JMJD1C: variants seen among roughly 807,000 people sequenced by gnomAD.
JMJD1C encodes jumonji domain containing 1C.
A neutral mutation model predicts 245.3 loss-of-function variants in JMJD1C; 31 were observed. The ratio of observed to expected loss-of-function variants is 0.13; its 90% confidence interval spans 0.09 to 0.17. JMJD1C has a LOEUF of 0.17. Ranked by LOEUF, JMJD1C falls within the 10% of genes least tolerant of loss-of-function variation. The probability of loss-of-function intolerance (pLI) is 1.00; values close to 1 mark genes in which losing one functional copy is unlikely to be tolerated. For missense variants in JMJD1C, 2,691 were observed against 3,000.2 expected (o/e 0.90, Z 2.41); for synonymous variants, 1,057 against 1,017.4 (o/e 1.04, Z -0.74).
chr10:63,473,388 G>T (rs895254881), intron 1 of JMJD1C, among the ~76,000 whole-genome samples: 4 of 151,982 alleles, frequency 2.6e-5, no homozygotes, highest in African/African-American at 9.7e-5. Context: ...TGGGATTACA[G>T]GCACACAGCA....
intron 1 of JMJD1C, among the ~76,000 whole-genome samples, chr10:63,411,756 C>T (rs930465745): frequency 6.6e-6 from 1 of 151,956 alleles, no homozygotes; most frequent in Admixed American, 6.6e-5. Flanking sequence ...GTGCGTGCCA[C>T]CATGCCCAGC....
intron 1 of JMJD1C, among the ~76,000 whole-genome samples, chr10:63,520,017 T>C (rs1424075713): frequency 1.3e-5 from 2 of 152,172 alleles, no homozygotes; most frequent in Admixed American, 6.5e-5. Context: ...ATGCAAATTA[T>C]TACTCAAATT....
chr10:63,302,228 A>G (rs1860181974), intron 2 of JMJD1C, among the ~76,000 whole-genome samples: 2 of 152,058 alleles, frequency 1.3e-5, no homozygotes, highest in South Asian at 2.1e-4. Context: ...AATACATACA[A>G]GAAGAAGCCC....
chr10:63,285,129 T>C (rs1857841283), intron 2 of JMJD1C, among the ~76,000 whole-genome samples: 1 of 152,144 alleles, frequency 6.6e-6, no homozygotes, highest in Admixed American at 6.5e-5. Flanking sequence ...GCCTACACCA[T>C]TGATAACAAA....
At chr10:63,240,175 T>C (rs1851303867) in intron 3 of JMJD1C, among the ~76,000 whole-genome samples, 2 of 152,088 alleles carry the variant, frequency 1.3e-5, no homozygotes, top group African/African-American at 4.8e-5. Context: ...GAGTTTTGGA[T>C]TCAGAAGACA....
chr10:63,222,980 G>A lies in JMJD1C; in HGVS notation c.448-2997C>T, dbSNP rs547052174. On this transcript the variant is annotated intron_variant, in intron 3 of 25. Transcript: ENST00000399262. Reference sequence around the variant, plus strand: ...GGAGATAATGTCAGCAGTGAGAGACGAGGATCCACTGGAATCAGCCAATAC... The same window carrying A: ...GGAGATAATGTCAGCAGTGAGAGACAAGGATCCACTGGAATCAGCCAATAC... 1.1e-4 allele frequency: 155 copies of A among 1,439,212 alleles called. No homozygotes were observed. The African/African-American group carries it at 1.1e-3, about 10-fold the overall frequency. The allele number at this position is 1,439,212 out of a possible 1,614,324, so 89.2% of individuals were successfully genotyped here.
intron 1 of JMJD1C, among the ~76,000 whole-genome samples, chr10:63,410,707 A>G (rs1353472820): frequency 1.3e-5 from 2 of 152,100 alleles, no homozygotes; most frequent in Non-Finnish European, 2.9e-5. Flanking sequence ...TTTTTATTAT[A>G]TATTTTATTA....
Position 63,245,210 on chromosome 10 carries a change from AT to A in JMJD1C, c.447+19440del, listed in dbSNP as rs1449927491. ...ATTTAACAAAGAGATTGAAATAACA[AT>A]TTTTTAAAACCAAATAAAAACCTTA... On this transcript the variant is annotated intron_variant, in intron 3 of 25. Coordinates refer to ENST00000399262, the MANE Select transcript of JMJD1C (RefSeq NM_032776.3). Among the ~76,000 whole-genome samples the A allele has an allele frequency of 2.6e-5, 4 of 151,442 alleles. No homozygotes were observed. The East Asian group carries it at 7.7e-4, about 29-fold the overall frequency.
At chr10:63,500,726 T>C (rs1954521241) in intron 1 of JMJD1C, among the ~76,000 whole-genome samples, 1 of 144,026 alleles carries the variant, frequency 6.9e-6, no homozygotes, top group South Asian at 2.3e-4. Flanking sequence ...ACTGTCTCGA[T>C]GGATGGATGG....
At chr10:63,245,145 A>G (rs1215099665) in intron 3 of JMJD1C, among the ~76,000 whole-genome samples, 1 of 143,590 alleles carries the variant, frequency 7.0e-6, no homozygotes, top group Non-Finnish European at 1.5e-5. Context: ...AAAAAAAAAA[A>G]AAAAAAAAAA....
At chr10:63,389,548 A>T (rs1167593200) in intron 1 of JMJD1C, among the ~76,000 whole-genome samples, 9 of 151,584 alleles carry the variant, frequency 5.9e-5, no homozygotes, top group Non-Finnish European at 1.0e-4. Context: ...GACCAAATGG[A>T]CCTAACAAAC....
At chr10:63,218,426 C>T (rs531641019) in intron 4 of JMJD1C, among the ~76,000 whole-genome samples, 155 of 152,084 alleles carry the variant, frequency 1.0e-3, no homozygotes, top group Admixed American at 8.2e-3. Flanking sequence ...GGAGGTGATG[C>T]GTAAACACTG....
At chr10:63,185,765 C>T (rs573024840) in intron 19 of JMJD1C, 112 bp from the exon 20 acceptor site, 1 of 680,802 alleles carries the variant, frequency 1.5e-6, no homozygotes, top group East Asian at 2.6e-5. Context: ...ACATTACATG[C>T]TTAATGATTG....
At chr10:63,254,364 T>C (rs1853553791) in intron 3 of JMJD1C, among the ~76,000 whole-genome samples, 1 of 152,124 alleles carries the variant, frequency 6.6e-6, no homozygotes, top group South Asian at 2.1e-4. Flanking sequence ...TAGGTGAAAT[T>C]GTACAGGCAA....
intron 2 of JMJD1C, among the ~76,000 whole-genome samples, chr10:63,286,446 A>C (rs1857987477): frequency 6.6e-6 from 1 of 152,212 alleles, no homozygotes; most frequent in Admixed American, 6.5e-5. Flanking sequence ...CCTAGAGTGA[A>C]TATATCTCAG....
At chr10:63,254,549 G>GT (rs1450907812) in intron 3 of JMJD1C, among the ~76,000 whole-genome samples, 3 of 152,012 alleles carry the variant, frequency 2.0e-5, no homozygotes, top group East Asian at 1.9e-4. Flanking sequence ...TTGAGTTCAG[G>GT]TTTTTTTTGA....
chr10:63,439,380 A>G (rs1951235400), intron 1 of JMJD1C, among the ~76,000 whole-genome samples: 1 of 152,228 alleles, frequency 6.6e-6, no homozygotes, highest in Non-Finnish European at 1.5e-5. Context: ...TATTATAAAC[A>G]TCACTATTAA....
intron 2 of JMJD1C, among the ~76,000 whole-genome samples, chr10:63,278,260 C>T (rs78879593): frequency 0.025 from 3,816 of 151,558 alleles, 167 homozygotes; most frequent in African/African-American, 0.088. Flanking sequence ...TTGAGGTAGG[C>T]AGATCACTTG....
At chr10:63,349,393 T>G (rs1264564021) in intron 2 of JMJD1C, among the ~76,000 whole-genome samples, 1 of 152,254 alleles carries the variant, frequency 6.6e-6, no homozygotes, top group Non-Finnish European at 1.5e-5. Context: ...ATACCAGTTT[T>G]GCGTTCTCAT....
Sources: gnomAD v4.1 joint callset for allele counts (sites outside exome capture counted in the v4.1 genomes callset) on GRCh38, gnomAD v4.1.1 for gene constraint, MANE v1.5 for transcripts, NCBI Gene and HGNC (gene_info 2026-07-23, HGNC 2026-07-21) for gene names.